The following CELF2 variants were observed in gnomAD, a reference collection of about 807,000 sequenced individuals.
The protein encoded by CELF2 is CUGBP Elav-like family member 2, also known as CUG triplet repeat RNA-binding protein 2.
CELF2 carries 8 observed loss-of-function variants against 62.6 expected under a neutral mutation model. The ratio of observed to expected loss-of-function variants is 0.13; its 90% CI spans 0.07 to 0.23. CELF2 has a LOEUF of 0.23. CELF2 is among the 10% of genes least tolerant of loss of function. The pLI is 1.00. For missense variants in CELF2, 333 were observed against 671.0 expected (o/e 0.50, Z 5.56); for synonymous variants, 258 against 250.0 (o/e 1.03, Z -0.30).
chr10:10,607,641 A>G, the CELF2 span, among the ~76,000 whole-genome samples: 2 of 152,352 alleles, frequency 1.3e-5, no homozygotes, highest in African/African-American at 2.4e-5. Context: ...CAAATGCAAG[A>G]CTTCAGGAGA....
At chr10:10,776,075 T>C in the CELF2 span, 1 of 152,502 alleles carries the variant, frequency 6.6e-6, no homozygotes, top group Non-Finnish European at 1.5e-5. Context: ...CAAAACATCA[T>C]ATGAAGAACC....
intron 4 of CELF2, among the ~76,000 whole-genome samples, chr10:11,250,736 A>G (rs2076884334): frequency 6.6e-6 from 1 of 152,236 alleles, no homozygotes; most frequent in Non-Finnish European, 1.5e-5. Context: ...CAGTTGTAAA[A>G]TGGAATTGAT....
intron 1 of CELF2, among the ~76,000 whole-genome samples, chr10:11,083,451 G>T (rs569901331): frequency 9.2e-5 from 14 of 152,288 alleles, no homozygotes; most frequent in African/African-American, 3.1e-4. Flanking sequence ...GATGATGGTG[G>T]TATCTATTTC....
intron 1 of CELF2, among the ~76,000 whole-genome samples, chr10:11,149,722 C>T (rs1287355949): frequency 3.3e-5 from 5 of 152,102 alleles, no homozygotes; most frequent in Admixed American, 2.0e-4. Context: ...ACAGAGATCA[C>T]GATTCTTTGG....
the CELF2 span, among the ~76,000 whole-genome samples, chr10:10,513,334 T>C: frequency 6.6e-6 from 1 of 152,180 alleles, no homozygotes; most frequent in African/African-American, 2.4e-5. Flanking sequence ...TAGACCTGAT[T>C]TACTGAAAGA....
intron 3 of CELF2, among the ~76,000 whole-genome samples, chr10:11,226,941 G>A (rs183660170): frequency 2.6e-3 from 397 of 152,274 alleles, no homozygotes; most frequent in Non-Finnish European, 4.3e-3. Context: ...TTCTTTATCT[G>A]CATCCACAGG....
At chr10:10,568,090 G>C in the CELF2 span, among the ~76,000 whole-genome samples, 1 of 152,072 alleles carries the variant, frequency 6.6e-6, no homozygotes, top group South Asian at 2.1e-4. Context: ...AGGGTGATAA[G>C]ATAGGAAGTA....
chr10:11,213,288 G>A (rs1437891372), intron 2 of CELF2, among the ~76,000 whole-genome samples: 1 of 152,232 alleles, frequency 6.6e-6, no homozygotes, highest in Non-Finnish European at 1.5e-5. Context: ...GAGCCTGCAG[G>A]GGAGGAGGCT....
chr10:10,808,432 C>G (rs2055470126), intron 1 of CELF2, among the ~76,000 whole-genome samples: 1 of 151,850 alleles, frequency 6.6e-6, no homozygotes, highest in East Asian at 1.9e-4. Flanking sequence ...AAGAACAAAC[C>G]CTTTGAGATT....
intron 3 of CELF2, among the ~76,000 whole-genome samples, chr10:11,232,102 AG>A (rs1411667391): frequency 6.6e-6 from 1 of 152,064 alleles, no homozygotes; most frequent in Non-Finnish European, 1.5e-5. Context: ...TTAACTCGTC[AG>A]TTAACATTAG....
chr10:11,138,427 A>G (rs995193424), intron 1 of CELF2, among the ~76,000 whole-genome samples: 2 of 152,192 alleles, frequency 1.3e-5, no homozygotes, highest in African/African-American at 4.8e-5. Context: ...CTGAGTGGCC[A>G]TTGCTGTTCA....
chr10:11,263,229 T>A (rs2081246161), intron 5 of CELF2, among the ~76,000 whole-genome samples: 1 of 152,138 alleles, frequency 6.6e-6, no homozygotes, highest in South Asian at 2.1e-4. Context: ...ATGCAGCTCC[T>A]TTCATTTCTG....
the CELF2 span, among the ~76,000 whole-genome samples, chr10:10,709,848 T>C: frequency 1.3e-5 from 2 of 152,218 alleles, no homozygotes; most frequent in South Asian, 4.1e-4. Context: ...GTGTGATCTC[T>C]TACTTCTTGT....
At position 11,189,855 on chromosome 10, in the gene CELF2, A is replaced by G. The variant is rs78634591; in HGVS notation, c.271+24173A>G. Among the ~76,000 whole-genome samples, 1,102 of 152,320 alleles carry G rather than the reference A, an allele frequency of 7.2e-3. 12 individuals are homozygous for G. The highest frequency in any genetic ancestry group is 0.025 in the African/African-American group (1,044 of 41,558). Reference sequence around the variant, plus strand: ...GCACACGTTGACTCAGATACAGCCCAGATTCCTTGGCCATGCTTTCCAGGT... The same window carrying G: ...GCACACGTTGACTCAGATACAGCCCGGATTCCTTGGCCATGCTTTCCAGGT... On this transcript the variant is annotated intron_variant, in intron 2 of 12. Transcript: ENST00000633077.
chr10:10,646,770 G>T, the CELF2 span, among the ~76,000 whole-genome samples: 1 of 152,308 alleles, frequency 6.6e-6, no homozygotes, highest in Admixed American at 6.5e-5. Context: ...AACTTGCATG[G>T]CATTTTATTT....
chr10:10,673,160 T>C, the CELF2 span, among the ~76,000 whole-genome samples: 10 of 152,162 alleles, frequency 6.6e-5, no homozygotes, highest in African/African-American at 2.2e-4. Flanking sequence ...AATCGCTTAC[T>C]AGTTTCAGGA....
chr10:11,158,430 C>T (rs923629390), intron 1 of CELF2, among the ~76,000 whole-genome samples: 1 of 152,150 alleles, frequency 6.6e-6, no homozygotes, highest in Non-Finnish European at 1.5e-5. Context: ...AAAAGTTCAT[C>T]TAGAACACCT....
intron 9 of CELF2, among the ~76,000 whole-genome samples, chr10:11,312,073 G>A (rs1453253521): frequency 6.6e-6 from 1 of 152,094 alleles, no homozygotes; most frequent in Non-Finnish European, 1.5e-5. Context: ...CACTGTCCAA[G>A]AAACACAAAC....
intron 2 of CELF2, among the ~76,000 whole-genome samples, chr10:11,184,316 T>G (rs1293635671): frequency 6.6e-6 from 1 of 152,282 alleles, no homozygotes. Context: ...TCACGAGTCT[T>G]GAAGTCAGAT....
Sources: gnomAD v4.1 joint callset for allele counts (sites outside exome capture counted in the v4.1 genomes callset) on GRCh38, gnomAD v4.1.1 for gene constraint, MANE v1.5 for transcripts, NCBI Gene and HGNC (gene_info 2026-07-23, HGNC 2026-07-21) for gene names.